Variants in NFATC2 observed in about 807,000 individuals in gnomAD.
NFATC2 encodes the protein nuclear factor of activated T-cells, cytoplasmic 2.
A neutral mutation model predicts 87.3 loss-of-function variants in NFATC2; 22 were observed. That is an observed-to-expected ratio of 0.25 (90% CI 0.18 to 0.36). The LOEUF (loss-of-function observed/expected upper bound fraction) is 0.36, where lower values mean the gene tolerates loss of function less well. Ranked by LOEUF, NFATC2 falls within the 10% of genes least tolerant of loss-of-function variation. NFATC2 has a pLI of 1.00. For synonymous variants in NFATC2, 565 were observed against 542.2 expected (o/e 1.04, Z -0.58); for missense variants, 1,149 against 1,259.1 (o/e 0.91, Z 1.32).
At chr20:51,482,607 G>A (rs762382155) in intron 3 of NFATC2, among the ~76,000 whole-genome samples, 2 of 152,016 alleles carry the variant, frequency 1.3e-5, no homozygotes, top group Non-Finnish European at 2.9e-5. Context: ...TTTACATTGT[G>A]GAATGATTAA....
At chr20:51,545,204 C>T (rs4809851), upstream of NFATC2, among the ~76,000 whole-genome samples, 6 of 152,170 alleles carry the variant, frequency 3.9e-5, no homozygotes, top group Non-Finnish European at 7.4e-5. Flanking sequence ...AATGCCTCCC[C>T]ACATCCTTTC....
intron 8 of NFATC2, among the ~76,000 whole-genome samples, chr20:51,434,941 G>A (rs1983336092): frequency 6.6e-6 from 1 of 152,160 alleles, no homozygotes; most frequent in South Asian, 2.1e-4. Flanking sequence ...CCTAAAGGAA[G>A]GTACTAAGGC....
intron 3 of NFATC2, among the ~76,000 whole-genome samples, chr20:51,515,285 G>A (rs1038909936): frequency 2.0e-5 from 3 of 152,220 alleles, no homozygotes; most frequent in Non-Finnish European, 4.4e-5. Flanking sequence ...AGAGTGCAGC[G>A]GAGCTGGCAT....
chr20:51,510,760 T>C (rs2076260544), intron 3 of NFATC2, among the ~76,000 whole-genome samples: 1 of 152,220 alleles, frequency 6.6e-6, no homozygotes, highest in Non-Finnish European at 1.5e-5. Flanking sequence ...TAGCTGGGAT[T>C]ACAGGTGTGA....
upstream of NFATC2, among the ~76,000 whole-genome samples, chr20:51,543,975 A>ATTTTTTTTTTTTTTTTTTTTT (rs11473264): frequency 1.1e-4 from 8 of 72,958 alleles, 1 homozygote; most frequent in Non-Finnish European, 1.7e-4. Context: ...AGAATTCCTA[A>ATTTTTTTTTTTTTTTTTTTTT]TTTTTTTTTT....
At chr20:51,474,290 T>C (rs2146512536) in intron 4 of NFATC2, 138 bp from the exon 5 acceptor site, 1 of 1,007,156 alleles carries the variant, frequency 9.9e-7, no homozygotes, top group Non-Finnish European at 1.4e-6. Context: ...CAGGAATGTA[T>C]ACCAAGATGG....
chr20:51,542,749 C>CGGGGGGGGGGGGGGG (rs1167272535), upstream of NFATC2: 6 of 4,274 alleles, frequency 1.4e-3, no homozygotes, highest in African/African-American at 4.8e-3. Flanking sequence ...CCCGGGGAGG[C>CGGGGGGGGGGGGGGG]GGGGGGGGGG....
At chr20:51,533,660 C>T (rs554172147) in intron 1 of NFATC2, among the ~76,000 whole-genome samples, 54 of 152,336 alleles carry the variant, frequency 3.5e-4, no homozygotes, top group Non-Finnish European at 5.9e-4. Context: ...CTTCCCCAGA[C>T]GGGGCTGAAA....
At chr20:51,559,860 C>G (rs2077007112) in intron 1 of NFATC2, among the ~76,000 whole-genome samples, 1 of 152,180 alleles carries the variant, frequency 6.6e-6, no homozygotes, top group Non-Finnish European at 1.5e-5. Context: ...CAGAACTGAG[C>G]ATTTTACATG....
intron 5 of NFATC2, among the ~76,000 whole-genome samples, chr20:51,472,394 C>T (rs1034634810): frequency 2.0e-5 from 3 of 152,120 alleles, no homozygotes; most frequent in Non-Finnish European, 4.4e-5. Context: ...TGACGTCTGC[C>T]ACCCAACCTA....
At chr20:51,405,300 G>A (rs894556160) in intron 9 of NFATC2, among the ~76,000 whole-genome samples, 7 of 152,086 alleles carry the variant, frequency 4.6e-5, no homozygotes, top group African/African-American at 9.7e-5. Flanking sequence ...CATGCAACGC[G>A]AGGCCAACAG....
chr20:51,494,346 C>T (rs541312324), intron 3 of NFATC2, among the ~76,000 whole-genome samples: 31 of 151,844 alleles, frequency 2.0e-4, no homozygotes, highest in African/African-American at 7.2e-4. Context: ...TGGCTGGTGG[C>T]TTTTCTGCTA....
chr20:51,492,899 C>G (rs1403851753), intron 3 of NFATC2, among the ~76,000 whole-genome samples: 4 of 152,250 alleles, frequency 2.6e-5, no homozygotes, highest in Non-Finnish European at 5.9e-5. Flanking sequence ...CTGGGTTCCT[C>G]GGTCAGCGAC....
At chr20:51,393,781 G>C (rs199827997) in intron 10 of NFATC2, among the ~76,000 whole-genome samples, 1 of 152,194 alleles carries the variant, frequency 6.6e-6, no homozygotes, top group Non-Finnish European at 1.5e-5. Context: ...AGTGAGAGGA[G>C]GGGATCCTTA....
At chr20:51,528,087 A>C (rs1460758054) in intron 1 of NFATC2, among the ~76,000 whole-genome samples, 6 of 72,230 alleles carry the variant, frequency 8.3e-5, no homozygotes, top group African/African-American at 4.0e-4. Context: ...ACCTGTCCCA[A>C]AAAAAAAAAA....
At position 51,391,175 on chromosome 20, in the gene NFATC2, A is replaced by T. The variant is rs917271926; in HGVS notation, c.*321T>A. The T allele has an allele frequency of 5.8e-6, 4 of 686,246 alleles. No individual in the cohort carries two copies. The Admixed American group carries it at 6.1e-5, about 10-fold the overall frequency. 42.5% of individuals were successfully genotyped at this position (686,246 alleles called of 1,614,324 possible). ...CGGAACACCATTAAGATCAACCAGG[A>T]TGCTCTCTGGGATTTAAAACATAAA... On this transcript the variant is annotated 3_prime_UTR_variant, in exon 11 of 11. Transcript: ENST00000371564.
Position 51,523,127 on chromosome 20 carries a change from G to A in NFATC2, c.1114C>T (p.Pro372Ser), listed in dbSNP as rs774217337. 3.7e-6 allele frequency: 6 copies of A among 1,614,230 alleles called. No individual in the cohort carries two copies. Among genetic ancestry groups the A allele is most frequent in the Non-Finnish European group, 5.1e-6 (6 of 1,180,042 alleles). Residue 372 changes from proline (P) to serine (S), a missense_variant, in exon 2 of 11, where the codon CCG becomes TCG. Physicochemically the swap from Pro to Ser is moderately conservative, Grantham distance 74 (BLOSUM62 -1). This residue lies in a region of NFATC2 where 563 missense variants were observed against 585.2 expected (regional missense o/e 0.96). Transcript: ENST00000371564. This position sits in a 1 kb window ranked among gnomAD's most constrained non-coding sequence, Gnocchi z 6.9. ...NSAPESILLV[P>S]PTWPKPLVPA... Reference sequence around the variant, plus strand: ...ACCAGCGGCTTGGGCCAAGTGGGCGGAACCAGCAGGATGGATTCTGGAGCC... The same window carrying A: ...ACCAGCGGCTTGGGCCAAGTGGGCGAAACCAGCAGGATGGATTCTGGAGCC...
At chr20:51,481,450 T>C (rs1311733841) in intron 3 of NFATC2, among the ~76,000 whole-genome samples, 1 of 152,044 alleles carries the variant, frequency 6.6e-6, no homozygotes, top group African/African-American at 2.4e-5. Context: ...TCCACGTCAC[T>C]GGCCTCCCGA....
intron 1 of NFATC2, among the ~76,000 whole-genome samples, chr20:51,554,860 C>T (rs868008479): frequency 3.9e-5 from 6 of 152,124 alleles, no homozygotes; most frequent in South Asian, 2.1e-4. Context: ...CCAGTGATAG[C>T]GGAGGGTGGA....
Sources: gnomAD v4.1 joint callset for allele counts (sites outside exome capture counted in the v4.1 genomes callset) on GRCh38, gnomAD v4.1.1 for gene constraint, gnomAD v4.1.1 regional missense constraint, Gnocchi (gnomAD v3.1) non-coding constraint, MANE v1.5 for transcripts, NCBI Gene and HGNC (gene_info 2026-07-23, HGNC 2026-07-21) for gene names.